The following PTPRN2 variants were observed in gnomAD, a reference collection of about 807,000 sequenced individuals.
PTPRN2 encodes the protein protein tyrosine phosphatase receptor type N2.
In PTPRN2, 74 loss-of-function variants were observed where a neutral mutation model predicts 118.8. The observed-to-expected ratio is 0.62, with a 90% CI of 0.52 to 0.76. The LOEUF (loss-of-function observed/expected upper bound fraction) is 0.76, where lower values mean the gene tolerates loss of function less well. Ranked by LOEUF, PTPRN2 falls within the 30% of genes least tolerant of loss-of-function variation. The pLI is 0.00. For missense variants in PTPRN2, 1,481 were observed against 1,394.4 expected, an observed-to-expected ratio of 1.06 and a Z score of -0.99; for synonymous variants, 641 against 608.0, an observed-to-expected ratio of 1.05 and a Z score of -0.80.
At position 158,003,220 on chromosome 7, in the gene PTPRN2, T is replaced by C. The variant is rs913410289; in HGVS notation, c.1723+78078A>G. ...ACGAGGTCAGGAGATCGAGACCATC[T>C]TGGCTAACACGGTGAAACCCCGTTT... On this transcript the variant is annotated intron_variant, in intron 11 of 22. Transcript: ENST00000389418. This position sits in a 1 kb window ranked among gnomAD's most constrained non-coding sequence, Gnocchi z 5.0. Among the ~76,000 whole-genome samples, 3 of 151,694 alleles carry C rather than the reference T, an allele frequency of 2.0e-5. No homozygotes were observed. The highest frequency in any genetic ancestry group is 2.0e-4 in the Admixed American group (3 of 15,236).
intron 3 of PTPRN2, among the ~76,000 whole-genome samples, chr7:158,239,652 C>T (rs1795788907): frequency 6.6e-6 from 1 of 152,204 alleles, no homozygotes; most frequent in African/African-American, 2.4e-5. Context: ...TGATGTCACA[C>T]CACTTCACGC....
rs559225562 is a variant in PTPRN2, at chr7:158,117,014, CAAGAAACAAGAAACA to C, written c.1557-6114_1557-6100del. Among the ~76,000 whole-genome samples, 684 of 151,816 alleles carry C rather than the reference CAAGAAACAAGAAACA, an allele frequency of 4.5e-3. 8 individuals are homozygous for C. The highest frequency in any genetic ancestry group is 0.016 in the African/African-American group (650 of 41,432). On this transcript the variant is annotated intron_variant, in intron 9 of 22. Coordinates refer to ENST00000389418, the MANE Select transcript of PTPRN2 (RefSeq NM_002847.5). ...ATTTCTAGTTTTCAACAAAAAATTG[CAAGAAACAAGAAACA>C]AAGAAACAAGAAACTACAGCCCATT...
intron 11 of PTPRN2, among the ~76,000 whole-genome samples, chr7:157,958,592 T>A (rs996504299): frequency 6.6e-6 from 1 of 152,158 alleles, no homozygotes; most frequent in East Asian, 1.9e-4. Context: ...TATACAGAAA[T>A]CATTTGTACT....
At chr7:158,271,765 T>C (rs951885102) in intron 3 of PTPRN2, among the ~76,000 whole-genome samples, 12 of 152,170 alleles carry the variant, frequency 7.9e-5, no homozygotes, top group African/African-American at 2.9e-4. Flanking sequence ...GGCCTTCCCC[T>C]GTCATCTCAC....
At chr7:157,940,588 T>TC (rs1475867105) in intron 11 of PTPRN2, among the ~76,000 whole-genome samples, 3 of 142,694 alleles carry the variant, frequency 2.1e-5, no homozygotes, top group Non-Finnish European at 4.6e-5. Flanking sequence ...TCTAACACCC[T>TC]CCCCAGTGAC....
At chr7:158,263,696 CATGGGT>C (rs1279406100) in intron 3 of PTPRN2, among the ~76,000 whole-genome samples, 1 of 152,236 alleles carries the variant, frequency 6.6e-6, no homozygotes, top group African/African-American at 2.4e-5. Context: ...AAGGCACAGC[CATGGGT>C]GGGCGCCCAG....
intron 3 of PTPRN2, among the ~76,000 whole-genome samples, chr7:158,308,633 G>T (rs1192307973): frequency 6.6e-6 from 1 of 151,940 alleles, no homozygotes; most frequent in Non-Finnish European, 1.5e-5. Context: ...TGAAAATTAA[G>T]TTGGTATTAA....
intron 12 of PTPRN2, among the ~76,000 whole-genome samples, chr7:157,781,251 T>C (rs988613830): frequency 1.3e-5 from 2 of 152,256 alleles, no homozygotes; most frequent in African/African-American, 4.8e-5. Flanking sequence ...CATGGGCTAG[T>C]GTTATTATCA....
At chr7:158,143,762 G>T (rs1304458768) in intron 6 of PTPRN2, among the ~76,000 whole-genome samples, 1 of 152,170 alleles carries the variant, frequency 6.6e-6, no homozygotes, top group South Asian at 2.1e-4. Flanking sequence ...GGGCCTCCAA[G>T]TGTGGTAGAA....
At chr7:158,189,494 C>A (rs1825589006) in intron 5 of PTPRN2, among the ~76,000 whole-genome samples, 1 of 152,206 alleles carries the variant, frequency 6.6e-6, no homozygotes, top group Admixed American at 6.5e-5. Flanking sequence ...ACGCTCCTGC[C>A]TTTCTCTATT....
chr7:158,381,054 C>G (rs1035655197), intron 2 of PTPRN2, among the ~76,000 whole-genome samples: 1 of 152,246 alleles, frequency 6.6e-6, no homozygotes, highest in Non-Finnish European at 1.5e-5. Flanking sequence ...CACAAAACCA[C>G]TTTTTCCTCC....
At chr7:157,575,963 C>T (rs77538452) in intron 19 of PTPRN2, among the ~76,000 whole-genome samples, 1,823 of 152,274 alleles carry the variant, frequency 0.012, 33 homozygotes, top group African/African-American at 0.042. Context: ...GACTGTTTAC[C>T]ACAATCAAAG....
intron 1 of PTPRN2, among the ~76,000 whole-genome samples, chr7:158,502,188 CAT>C (rs1461690882): frequency 6.6e-6 from 1 of 152,174 alleles, no homozygotes; most frequent in East Asian, 1.9e-4. Flanking sequence ...CTGCCACTGC[CAT>C]ATGTTTCTGT....
rs139231635 is a variant in PTPRN2, at chr7:157,663,310, G to A, written c.2002-6759C>T. Among the ~76,000 whole-genome samples, 105 of 152,280 alleles carry A rather than the reference G, an allele frequency of 6.9e-4. 1 individual carries two copies. The East Asian group carries it at 0.017, about 25-fold the overall frequency. On this transcript the variant is annotated intron_variant, in intron 13 of 22. Coordinates refer to ENST00000389418, the MANE Select transcript of PTPRN2 (RefSeq NM_002847.5). The stretch of plus-strand genomic sequence containing the variant: ...ACAAGTTAAACCCTGGAGTCCCAGC[G>A]GCACTGGCTGTCGGCCGTCCTGCAC...
Position 158,526,665 on chromosome 7 carries a change from C to T in PTPRN2, c.113-36880G>A, listed in dbSNP as rs762529134. ...CTTGAAAGAGGTGATTTCAGTAAAA[C>T]GAGGTCGCCGGATGGGCCCGGATCC... On this transcript the variant is annotated intron_variant, in intron 1 of 22. Coordinates refer to ENST00000389418, the MANE Select transcript of PTPRN2 (RefSeq NM_002847.5). The surrounding 1 kb of genome is among the most constrained non-coding windows in gnomAD (Gnocchi z 5.2). Among the ~76,000 whole-genome samples, 3 of 152,062 alleles carry T rather than the reference C, an allele frequency of 2.0e-5. No individual in the cohort carries two copies. Among genetic ancestry groups the T allele is most frequent in the Non-Finnish European group, 4.4e-5 (3 of 68,026 alleles).
intron 12 of PTPRN2, among the ~76,000 whole-genome samples, chr7:157,870,100 A>G (rs1394796689): frequency 6.6e-6 from 1 of 152,166 alleles, no homozygotes; most frequent in East Asian, 1.9e-4. Flanking sequence ...AAAAATTTCC[A>G]TTGAAAGCTC....
At chr7:158,540,764 G>A in intron 1 of PTPRN2, among the ~76,000 whole-genome samples, 1 of 152,212 alleles carries the variant, frequency 6.6e-6, no homozygotes, top group East Asian at 1.9e-4. Flanking sequence ...AATTCCATGA[G>A]CTTTTCCTTC....
At chr7:158,333,253 T>A (rs1304892273) in intron 2 of PTPRN2, among the ~76,000 whole-genome samples, 5 of 84,546 alleles carry the variant, frequency 5.9e-5, no homozygotes, top group South Asian at 3.4e-4. Context: ...AAAAGAGCTG[T>A]CGCCCGCAGG....
chr7:157,589,189 C>T (rs554416398), intron 17 of PTPRN2, among the ~76,000 whole-genome samples: 2 of 152,336 alleles, frequency 1.3e-5, no homozygotes, highest in African/African-American at 4.8e-5. Flanking sequence ...CCTCCGGGGA[C>T]CCCATGAGGT....
Sources: gnomAD v4.1 joint callset for allele counts (sites outside exome capture counted in the v4.1 genomes callset) on GRCh38, gnomAD v4.1.1 for gene constraint, Gnocchi (gnomAD v3.1) non-coding constraint, MANE v1.5 for transcripts, NCBI Gene and HGNC (gene_info 2026-07-23, HGNC 2026-07-21) for gene names.